Variants in NBAS observed in about 807,000 individuals in gnomAD.
NBAS encodes the protein NAG/BC035112 fusion.
NBAS carries 219 observed loss-of-function variants against 302.5 expected under a neutral mutation model. The observed-to-expected ratio is 0.72, with a 90% confidence interval of 0.65 to 0.81. The LOEUF (loss-of-function observed/expected upper bound fraction) is 0.81. NBAS is among the 30% of genes least tolerant of loss of function. The pLI, the probability that NBAS is intolerant of heterozygous loss-of-function variation, is 0.00. For missense variants in NBAS, 2,932 were observed against 2,841.6 expected (o/e 1.03, Z -0.72); for synonymous variants, 1,118 against 1,021.6 (o/e 1.09, Z -1.80).
chr2:15,213,873 A>C (rs1264998285), intron 48 of NBAS, among the ~76,000 whole-genome samples: 1 of 152,204 alleles, frequency 6.6e-6, no homozygotes, highest in East Asian at 1.9e-4. Context: ...AACTTTAATC[A>C]TTTTAGGAAA....
the NBAS span, among the ~76,000 whole-genome samples, chr2:15,113,518 G>C: frequency 6.6e-6 from 1 of 152,068 alleles, no homozygotes; most frequent in Admixed American, 6.6e-5. Flanking sequence ...TGGTACGAGA[G>C]AGAATTTTTC....
In NBAS at chr2:15,391,378, T is replaced by TA. The variant is rs1553303238; in HGVS notation, c.3257+2848dup. Reference sequence around the variant, plus strand: ...AAACCAAAATTGAACTCTTAGAGATTAAAAAAAAAACTCTTAATGAAAAAT... The same window carrying TA: ...AAACCAAAATTGAACTCTTAGAGATTAAAAAAAAAAACTCTTAATGAAAAAT... On this transcript the variant is annotated intron_variant, in intron 28 of 51. Transcript: ENST00000281513. Among the ~76,000 whole-genome samples, 884 of 145,112 alleles carry TA rather than the reference T, an allele frequency of 6.1e-3. 13 individuals carry two copies. The highest frequency in any genetic ancestry group is 0.028 in the South Asian group (128 of 4,546).
At chr2:15,036,551 G>A in the NBAS span, among the ~76,000 whole-genome samples, 1 of 152,130 alleles carries the variant, frequency 6.6e-6, no homozygotes, top group Non-Finnish European at 1.5e-5. Context: ...CCCGAGTTCT[G>A]ATTGAGCATG....
rs1443408181 is a variant in NBAS at position 15,402,300 on chromosome 2, A to G, written c.2939T>C (p.Leu980Pro). 1 of 1,613,304 alleles carries G rather than the reference A, an allele frequency of 6.2e-7. No individual in the cohort carries two copies. Among genetic ancestry groups the G allele is most frequent in the Non-Finnish European group, 8.5e-7 (1 of 1,179,560 alleles). Residue 980 changes from leucine to proline, a missense_variant and splice_region_variant, in exon 26 of 52, where the codon CTG becomes CCG. Transcript: ENST00000281513. ...LKIFQHSKPD[L>P]QQKIIPDQDQ... ...CTGATCAGGAATAATTTTTTGCTGCAGCTACAGAAAATAAAGTATGTTGTA... is the reference window on the plus strand; with the variant it reads ...CTGATCAGGAATAATTTTTTGCTGCGGCTACAGAAAATAAAGTATGTTGTA...
intron 51 of NBAS, among the ~76,000 whole-genome samples, chr2:15,169,839 C>T (rs975757789): frequency 6.6e-6 from 1 of 152,226 alleles, no homozygotes; most frequent in South Asian, 2.1e-4. Flanking sequence ...GTGTGGCTGC[C>T]TCCAGCCACG....
chr2:15,396,335 G>A (rs1411584993), intron 27 of NBAS, 78 bp downstream of exon 27: 1 of 1,198,124 alleles, frequency 8.3e-7, no homozygotes, highest in East Asian at 2.4e-5. Flanking sequence ...ATGACTCACA[G>A]GCAGACTTAA....
chr2:14,846,579 A>C, the NBAS span, among the ~76,000 whole-genome samples: 9 of 152,130 alleles, frequency 5.9e-5, no homozygotes, highest in Non-Finnish European at 1.2e-4. Flanking sequence ...TTAAATAGAA[A>C]GACTAAAAGA....
chr2:15,082,668 A>G, the NBAS span, among the ~76,000 whole-genome samples: 3 of 152,212 alleles, frequency 2.0e-5, no homozygotes, highest in Non-Finnish European at 4.4e-5. Context: ...GGTTTGCATC[A>G]GCCTGCCCAG....
chr2:15,478,463 C>A (rs992010132), intron 12 of NBAS, among the ~76,000 whole-genome samples, 174 bp from the exon 13 acceptor site: 1 of 152,126 alleles, frequency 6.6e-6, no homozygotes, highest in Non-Finnish European at 1.5e-5. Flanking sequence ...ATTGTTCTTA[C>A]ACTTAAAATG....
At chr2:15,210,489 A>G (rs1666356139) in intron 48 of NBAS, among the ~76,000 whole-genome samples, 1 of 152,156 alleles carries the variant, frequency 6.6e-6, no homozygotes, top group Non-Finnish European at 1.5e-5. Context: ...GGACAAGAAT[A>G]TGGAGAAAAA....
Position 15,275,612 on chromosome 2 carries a change from C to T in NBAS, c.5596G>A (p.Val1866Ile), listed in dbSNP as rs574477358. 363 of 1,614,142 alleles carry T rather than the reference C, an allele frequency of 2.2e-4. 6 individuals carry two copies. In the South Asian group the frequency reaches 3.8e-3, roughly 17 times the overall value. The change falls in exon 44 of 52, where the codon GTC becomes ATC. Residue 1866 changes from valine to isoleucine, a missense_variant. Physicochemically the swap from Val to Ile is conservative, Grantham distance 29. Coordinates refer to ENST00000281513, the MANE Select transcript of NBAS (RefSeq NM_015909.4). The stretch of plus-strand genomic sequence containing the variant: ...AGCCACTCCGGTGAAGAGCCTGGGA[C>T]TTGTTTAATGAGATGAGGGTCTCCA... ...WTGDPHLIKQVPGSSPEWLHA... is the reference protein window; with the variant it reads ...WTGDPHLIKQIPGSSPEWLHA...
chr2:14,795,973 T>C, the NBAS span, among the ~76,000 whole-genome samples: 38 of 152,384 alleles, frequency 2.5e-4, no homozygotes, highest in Admixed American at 1.4e-3. Flanking sequence ...TTAGAAGTTT[T>C]ATGATTTAGA....
chr2:15,234,454 T>C lies in NBAS; in HGVS notation c.6146+91A>G, dbSNP rs1572496403. 7 of 1,348,958 alleles carry C rather than the reference T, an allele frequency of 5.2e-6. No homozygotes were observed. In the East Asian group the frequency reaches 1.1e-4, roughly 22 times the overall value. 83.6% of individuals were successfully genotyped at this position (1,348,958 alleles called of 1,614,324 possible). A position where few individuals can be genotyped will look rare whatever the true frequency, so the allele number is the denominator to read the frequency against. On this transcript the variant is annotated intron_variant, in intron 46 of 51. Transcript: ENST00000281513. ...CTTTTGTAAAGTCCTTCAAAACTTATAAAATGCTTTTACATACAGGATGAC... is the reference window on the plus strand; with the variant it reads ...CTTTTGTAAAGTCCTTCAAAACTTACAAAATGCTTTTACATACAGGATGAC...
At position 15,188,988 on chromosome 2, in the gene NBAS, T is replaced by A. The variant is rs552748709; in HGVS notation, c.6572+1276A>T. ...AGTGTGTTCAGAACAGATTCCCAGGTCCCAGTATGGAGAGATGGACTCCAC... is the reference window on the plus strand; with the variant it reads ...AGTGTGTTCAGAACAGATTCCCAGGACCCAGTATGGAGAGATGGACTCCAC... On this transcript the variant is annotated intron_variant, in intron 49 of 51. Coordinates refer to ENST00000281513, the MANE Select transcript of NBAS (RefSeq NM_015909.4). Among the ~76,000 whole-genome samples the A allele has an allele frequency of 4.6e-5, 7 of 152,248 alleles. No individual in the cohort carries two copies. The South Asian group carries it at 1.0e-3, about 23-fold the overall frequency.
At chr2:14,886,357 C>A in the NBAS span, among the ~76,000 whole-genome samples, 1 of 152,168 alleles carries the variant, frequency 6.6e-6, no homozygotes, top group Non-Finnish European at 1.5e-5. Context: ...TGTTTCCCTT[C>A]CTAATTCTTC....
At chr2:14,860,472 T>C in the NBAS span, among the ~76,000 whole-genome samples, 2 of 152,308 alleles carry the variant, frequency 1.3e-5, no homozygotes, top group East Asian at 1.9e-4. Flanking sequence ...GAATGTGATA[T>C]ATAAACACAA....
chr2:15,267,516 G>A (rs940607073), intron 44 of NBAS, among the ~76,000 whole-genome samples: 1 of 152,160 alleles, frequency 6.6e-6, no homozygotes, highest in Admixed American at 6.5e-5. Context: ...AAAATTTAGT[G>A]GGGGAGAAGG....
At chr2:15,378,200 ATAAAT>A (rs1674847324) in intron 30 of NBAS, among the ~76,000 whole-genome samples, 2 of 152,244 alleles carry the variant, frequency 1.3e-5, no homozygotes, top group Admixed American at 6.5e-5. Context: ...GGCGGAAAAA[ATAAAT>A]TAAAAAGTAT....
At position 15,399,667 on chromosome 2, in the gene NBAS, A is replaced by C. The variant is rs141558966; in HGVS notation, c.3071+2501T>G. Among the ~76,000 whole-genome samples the C allele has an allele frequency of 2.6e-4, 39 of 152,338 alleles. No individual in the cohort carries two copies. The East Asian group carries it at 6.6e-3, about 26-fold the overall frequency. ...AAAGAGGAGTACAAATAAACTTATC[A>C]AGGAAAAAATATAAGAACATACCCT... On this transcript the variant is annotated intron_variant, in intron 26 of 51. Coordinates refer to ENST00000281513, the MANE Select transcript of NBAS (RefSeq NM_015909.4).
Sources: allele counts gnomAD v4.1 joint callset (sites outside exome capture counted in the v4.1 genomes callset), GRCh38; gene constraint gnomAD v4.1.1; transcripts MANE v1.5; gene names NCBI Gene and HGNC (gene_info 2026-07-23, HGNC 2026-07-21).